The following ACOX1 variants were observed in gnomAD, a reference collection of about 807,000 sequenced individuals.
The protein encoded by ACOX1 is peroxisomal acyl-coenzyme A oxidase 1.
Under a neutral mutation model 75.5 loss-of-function variants are expected in ACOX1, and 41 were observed. That is an observed-to-expected ratio of 0.54 (90% CI 0.42 to 0.70). The LOEUF (loss-of-function observed/expected upper bound fraction) is 0.70, where lower values mean the gene tolerates loss of function less well. Among genes scored for constraint, ACOX1 ranks in the 30% least tolerant of loss-of-function variants. The pLI, the probability that ACOX1 is intolerant of heterozygous loss-of-function variation, is 0.00. For missense variants in ACOX1, 630 were observed against 837.5 expected (o/e 0.75, Z 3.06); for synonymous variants, 303 against 298.8 (o/e 1.01, Z -0.15).
chr17:75,957,607 G>A (rs2065845649), intron 3 of ACOX1, 41 bp from the exon 4 acceptor site: 6 of 1,502,624 alleles, frequency 4.0e-6, no homozygotes, highest in Non-Finnish European at 5.6e-6. Context: ...AAGAGATGGG[G>A]AAAAAAATAG....
rs1482421259 is a variant in ACOX1 at position 75,950,285 on chromosome 17, G to T, written c.1299-388C>A. Among the ~76,000 whole-genome samples, 5 of 148,456 alleles carry T rather than the reference G, an allele frequency of 3.4e-5. No homozygotes were observed. Among genetic ancestry groups the T allele is most frequent in the African/African-American group, 1.0e-4 (4 of 39,852 alleles). ...TTTTGATGGAGTTTTCGCTCTTGTT[G>T]CCCAGGATGGAGTGCAATAGCGCAA... On this transcript the variant is annotated intron_variant, in intron 9 of 13. Coordinates refer to ENST00000293217, the MANE Select transcript of ACOX1 (RefSeq NM_004035.7). This position sits in a 1 kb window ranked among gnomAD's most constrained non-coding sequence, Gnocchi z 4.3.
At chr17:75,972,329 A>G (rs1280304038) in intron 2 of ACOX1, among the ~76,000 whole-genome samples, 1 of 26,638 alleles carries the variant, frequency 3.8e-5, no homozygotes, top group East Asian at 4.2e-3. Flanking sequence ...TCTGTCTCCA[A>G]AAAAAAAAAA....
intron 13 of ACOX1, 106 bp downstream of exon 13, chr17:75,948,145 A>C: frequency 8.6e-7 from 1 of 1,161,252 alleles, no homozygotes; most frequent in Non-Finnish European, 1.3e-6. Context: ...AGAAGTGGCC[A>C]TGGTACTTTC....
Position 75,978,982 on chromosome 17 carries a change from C to A in ACOX1, c.92G>T (p.Arg31Leu). Residue 31 changes from arginine to leucine, a missense_variant, in exon 1 of 14, where the codon CGG becomes CTG. Around this residue, in one of 2 missense-constraint regions of ACOX1, gnomAD observed 390 missense variants for 574.9 expected, o/e 0.68. Coordinates refer to ENST00000293217, the MANE Select transcript of ACOX1 (RefSeq NM_004035.7). This position sits in a 1 kb window ranked among gnomAD's most constrained non-coding sequence, Gnocchi z 4.2. ...GCCCTCACCGATCTCTCGGCGGCGC[C>A]GGGTTTTCTCGGGGCTGCCGTCCAG... The part of the protein sequence containing the change: ...HILDGSPEKT[R>L]RRREIENMIL... 6.2e-7 allele frequency: 1 copy of A among 1,610,764 alleles called. No homozygotes were observed. The highest frequency in any genetic ancestry group is 8.5e-7 in the Non-Finnish European group (1 of 1,179,994).
Position 75,964,180 on chromosome 17 carries a change from A to G in ACOX1, c.270-3805T>C, listed in dbSNP as rs961737512. Among the ~76,000 whole-genome samples, 4 of 53,426 alleles carry G rather than the reference A, an allele frequency of 7.5e-5. No individual in the cohort carries two copies. In the African/African-American group the frequency reaches 1.6e-3, roughly 22 times the overall value. 35.0% of individuals were successfully genotyped at this position (53,426 alleles called of 152,430 possible). A position where few individuals can be genotyped will look rare whatever the true frequency, so the allele number is the denominator to read the frequency against. On this transcript the variant is annotated intron_variant, in intron 2 of 13. Coordinates refer to ENST00000293217, the MANE Select transcript of ACOX1 (RefSeq NM_004035.7). Reference sequence around the variant, plus strand: ...GCCTGGGGGACAAGACTCCATCTCAAAAAAAAAAAAAAAAAAAAATTAATA... The same window carrying G: ...GCCTGGGGGACAAGACTCCATCTCAGAAAAAAAAAAAAAAAAAAATTAATA...
At chr17:75,952,481 G>A (rs570866480) in intron 7 of ACOX1, among the ~76,000 whole-genome samples, 3 of 151,576 alleles carry the variant, frequency 2.0e-5, no homozygotes, top group African/African-American at 4.9e-5. Context: ...TTTAGTAGAC[G>A]TGGGGTTTCT....
At position 75,978,318 on chromosome 17, in the gene ACOX1, CT is replaced by C. The variant is rs2066076848; in HGVS notation, c.269+215del. 3 of 506,980 alleles carry C rather than the reference CT, an allele frequency of 5.9e-6. No homozygotes were observed. The highest frequency in any genetic ancestry group is 1.1e-5 in the Non-Finnish European group (3 of 271,740). The allele number at this position is 506,980 out of a possible 1,614,324, so 31.4% of individuals were successfully genotyped here. A position where few individuals can be genotyped will look rare whatever the true frequency, so the allele number is the denominator to read the frequency against. ...CCGTGTTAGCCAGAATGGTCTCGAT[CT>C]CCTGACTTGGTGATCCGCCCGCCTC... On this transcript the variant is annotated intron_variant, in intron 2 of 13. Coordinates refer to ENST00000293217, the MANE Select transcript of ACOX1 (RefSeq NM_004035.7). The surrounding 1 kb of genome is among the most constrained non-coding windows in gnomAD (Gnocchi z 4.2).
chr17:75,947,683 T>C (rs1014651261), intron 13 of ACOX1, among the ~76,000 whole-genome samples: 10 of 146,744 alleles, frequency 6.8e-5, no homozygotes, highest in Non-Finnish European at 1.5e-4. Context: ...TATTTTATTC[T>C]ATTTGTGTGT....
At chr17:75,955,244 C>T (rs888828867) in intron 6 of ACOX1, among the ~76,000 whole-genome samples, 4 of 152,012 alleles carry the variant, frequency 2.6e-5, no homozygotes, top group Admixed American at 1.3e-4. Context: ...CTCACTGTAG[C>T]CTCGGCCTCC....
intron 12 of ACOX1, 42 bp from the exon 13 acceptor site, chr17:75,948,499 TATAG>T: frequency 6.6e-7 from 1 of 1,507,982 alleles, no homozygotes; most frequent in Non-Finnish European, 9.2e-7. Flanking sequence ...TATATATGTA[TATAG>T]ATAGACATAA....
chr17:75,955,325 G>C (rs1203103173), intron 6 of ACOX1, among the ~76,000 whole-genome samples: 1 of 152,010 alleles, frequency 6.6e-6, no homozygotes. Context: ...ACCATACCCA[G>C]CTAGATTTTT....
intron 3 of ACOX1, among the ~76,000 whole-genome samples, chr17:75,959,297 A>G (rs2065867673): frequency 6.6e-6 from 1 of 152,226 alleles, no homozygotes; most frequent in African/African-American, 2.4e-5. Flanking sequence ...TTTTACAGAA[A>G]AGCAGATAAC....
intron 12 of ACOX1, 80 bp from the exon 13 acceptor site, chr17:75,948,537 G>T: frequency 8.3e-7 from 1 of 1,209,504 alleles, no homozygotes; most frequent in Non-Finnish European, 1.2e-6. Flanking sequence ...CAGCTATAAA[G>T]CGGATGACAA....
chr17:75,964,428 G>C (rs2065912926), intron 2 of ACOX1, among the ~76,000 whole-genome samples: 1 of 152,068 alleles, frequency 6.6e-6, no homozygotes, highest in Non-Finnish European at 1.5e-5. Flanking sequence ...AGCAATTCCT[G>C]GTGAAGGAAA....
chr17:75,976,991 C>CTTTTTTTTTTTTTTTT (rs1019883355), intron 2 of ACOX1, among the ~76,000 whole-genome samples: 1 of 78,902 alleles, frequency 1.3e-5, no homozygotes, highest in Non-Finnish European at 2.4e-5. Context: ...GCAAAAAAGT[C>CTTTTTTTTTTTTTTTT]TTTTTTTTTT....
chr17:75,950,068 C>G lies in ACOX1; in HGVS notation c.1299-171G>C, dbSNP rs1359278166. Among the ~76,000 whole-genome samples, 2 of 152,102 alleles carry G rather than the reference C, an allele frequency of 1.3e-5. No individual in the cohort carries two copies. The highest frequency in any genetic ancestry group is 4.8e-5 in the African/African-American group (2 of 41,414). On this transcript the variant is annotated intron_variant, in intron 9 of 13. Transcript: ENST00000293217. The surrounding 1 kb of genome is among the most constrained non-coding windows in gnomAD (Gnocchi z 4.3). The stretch of plus-strand genomic sequence containing the variant: ...GAATGATTCTCCTGCCTCAGCCTCC[C>G]AAGTAGCTGGGACTACAGGCACCTG...
At chr17:75,949,671 G>GAAT in intron 10 of ACOX1, 47 bp downstream of exon 10, 1 of 1,613,460 alleles carries the variant, frequency 6.2e-7, no homozygotes, top group Non-Finnish European at 8.5e-7. Flanking sequence ...ATCTGTCAGG[G>GAAT]CCCCAGCCCC....
intron 2 of ACOX1, among the ~76,000 whole-genome samples, chr17:75,972,880 A>G (rs1341946018): frequency 1.3e-5 from 2 of 152,156 alleles, no homozygotes; most frequent in African/African-American, 4.8e-5. Flanking sequence ...TGTTTCCCTG[A>G]TATCTGCATC....
intron 2 of ACOX1, among the ~76,000 whole-genome samples, chr17:75,963,936 T>C (rs145224941): frequency 0.019 from 2,786 of 149,856 alleles, 54 homozygotes; most frequent in East Asian, 0.091. Flanking sequence ...ATAATCCCAG[T>C]ACTTTGGGGG....
Sources: allele counts gnomAD v4.1 joint callset (sites outside exome capture counted in the v4.1 genomes callset), GRCh38; gene constraint gnomAD v4.1.1; regional missense constraint gnomAD v4.1.1; non-coding constraint Gnocchi (gnomAD v3.1); transcripts MANE v1.5; gene names NCBI Gene and HGNC (gene_info 2026-07-23, HGNC 2026-07-21).